The following UPK1A variants were observed in gnomAD, a reference collection of about 807,000 sequenced individuals.
UPK1A encodes the protein uroplakin-1a.
In UPK1A, 31 loss-of-function variants were observed where a neutral mutation model predicts 32.3. The observed-to-expected ratio is 0.96, with a 90% confidence interval of 0.72 to 1.30. UPK1A has a LOEUF of 1.30. Among genes scored for constraint, UPK1A ranks in the 50% most tolerant of loss-of-function variants. The probability of loss-of-function intolerance (pLI) is 0.00; values close to 1 mark genes in which losing one functional copy is unlikely to be tolerated. For missense variants in UPK1A, 340 were observed against 357.4 expected (o/e 0.95, Z 0.39); for synonymous variants, 135 against 137.1 (o/e 0.98, Z 0.11).
intron 2 of UPK1A, chr19:35,668,229 G>A (rs554258483): frequency 2.3e-5 from 14 of 604,244 alleles, no homozygotes; most frequent in African/African-American, 3.7e-5. Context: ...TTTTATCCCC[G>A]AAGAAACTGG....
Position 35,673,383 on chromosome 19 carries a change from C to G in UPK1A, c.361-55C>G, listed in dbSNP as rs1215241222. 2.5e-6 allele frequency: 4 copies of G among 1,609,224 alleles called. No homozygotes were observed. The Admixed American group carries it at 5.0e-5, about 20-fold the overall frequency. ...GGTCCCGGCGCGGCGGGGCGGAGGT[C>G]GTCCTCTCTCCCCACCCAGCCCTGC... On this transcript the variant is annotated intron_variant, in intron 4 of 7. Transcript: ENST00000617999.
rs1658248215 is a variant in UPK1A, at chr19:35,666,540, T to A, written c.-5+2T>A. 2 of 457,818 alleles carry A rather than the reference T, an allele frequency of 4.4e-6. No homozygotes were observed. Among genetic ancestry groups the A allele is most frequent in the South Asian group, 4.7e-5 (2 of 42,176 alleles). 28.4% of individuals were successfully genotyped at this position (457,818 alleles called of 1,614,324 possible). On this transcript the variant is annotated splice_donor_variant, in intron 1 of 7. Transcript: ENST00000617999. LOFTEE classifies it low-confidence loss of function (5UTR_SPLICE). Reference sequence around the variant, plus strand: ...CCAGAGAGGCTGCAGACAGAGAAGGTGAGGAGGGGGCCCTGGGAGTCTGGG... The same window carrying A: ...CCAGAGAGGCTGCAGACAGAGAAGGAGAGGAGGGGGCCCTGGGAGTCTGGG...
At chr19:35,676,135 C>A in intron 6 of UPK1A, 116 bp downstream of exon 6, 1 of 1,132,478 alleles carries the variant, frequency 8.8e-7, no homozygotes, top group Non-Finnish European at 1.2e-6. Context: ...TAGCTTTTTC[C>A]CTCTCCTCTT....
intron 7 of UPK1A, 24 bp downstream of exon 7, chr19:35,677,919 C>A: frequency 3.2e-6 from 4 of 1,264,434 alleles, no homozygotes; most frequent in Non-Finnish European, 4.4e-6. Context: ...AGCCCACAGG[C>A]TGGGTGGGCT....
chr19:35,670,218 A>AG (rs1225828720), intron 3 of UPK1A, among the ~76,000 whole-genome samples: 9 of 152,160 alleles, frequency 5.9e-5, no homozygotes, highest in African/African-American at 2.2e-4. Context: ...GAGCTGAGTG[A>AG]GGAGGAGGTT....
exon 3 of UPK1A, chr19:35,668,482 C>A: frequency 6.2e-7 from 1 of 1,614,200 alleles, no homozygotes; most frequent in East Asian, 2.2e-5. Flanking sequence ...TTTGCTGAGA[C>A]CATATGGGTG....
intron 2 of UPK1A, among the ~76,000 whole-genome samples, chr19:35,667,306 T>G (rs533783947): frequency 4.3e-4 from 65 of 150,086 alleles, no homozygotes; most frequent in East Asian, 7.9e-4. Flanking sequence ...GGTTTTGTGT[T>G]TTTTGTTTTG....
At chr19:35,673,630 G>GGAGT in intron 5 of UPK1A, 85 bp downstream of exon 5, 1 of 1,214,762 alleles carries the variant, frequency 8.2e-7, no homozygotes, top group South Asian at 1.3e-5. Flanking sequence ...AGCTTTTAGA[G>GGAGT]GAGTGAGTGC....
chr19:35,666,947 G>A (rs1568346118), intron 2 of UPK1A, 51 bp downstream of exon 2: 1 of 1,592,092 alleles, frequency 6.3e-7, no homozygotes. Context: ...GTGGGGAGGG[G>A]ACAGTCCTGA....
At chr19:35,675,214 C>A (rs1340019595) in intron 5 of UPK1A, among the ~76,000 whole-genome samples, 1 of 152,114 alleles carries the variant, frequency 6.6e-6, no homozygotes, top group Non-Finnish European at 1.5e-5. Flanking sequence ...CTTACCAAGG[C>A]CAGGAAAAGC....
exon 8 of UPK1A, chr19:35,677,980 G>T: frequency 6.2e-7 from 1 of 1,602,038 alleles, no homozygotes; most frequent in Non-Finnish European, 8.5e-7. Context: ...GCCAGCTCCC[G>T]GTCATGCTGA....
At chr19:35,670,481 C>A (rs1251493472) in intron 3 of UPK1A, among the ~76,000 whole-genome samples, 3 of 112,674 alleles carry the variant, frequency 2.7e-5, no homozygotes, top group Non-Finnish European at 5.5e-5. Flanking sequence ...TAAGATGGAG[C>A]CATGGACTCC....
At chr19:35,677,773 A>T (rs1356256381) in intron 6 of UPK1A, 39 bp from the exon 7 acceptor site, 1 of 1,610,674 alleles carries the variant, frequency 6.2e-7, no homozygotes, top group Admixed American at 1.7e-5. Flanking sequence ...GGCTACCCTC[A>T]TGGGCGTCTT....
At chr19:35,666,781 T>C (rs1402813269) in intron 1 of UPK1A, 28 bp from the exon 2 acceptor site, 1 of 1,612,368 alleles carries the variant, frequency 6.2e-7, no homozygotes, top group Non-Finnish European at 8.5e-7. Flanking sequence ...TTTACGCTCC[T>C]GGCCTCATCC....
intron 3 of UPK1A, among the ~76,000 whole-genome samples, chr19:35,672,662 G>T (rs1968120875): frequency 1.3e-5 from 2 of 152,178 alleles, no homozygotes; most frequent in Admixed American, 1.3e-4. Flanking sequence ...CCAACTACTG[G>T]GCTCAAACGA....
chr19:35,677,890 T>C (rs758618618), exon 7 of UPK1A: 1 of 1,592,326 alleles, frequency 6.3e-7, no homozygotes, highest in South Asian at 1.1e-5. Flanking sequence ...CATCCTGATG[T>C]GGACGGTGAG....
intron 2 of UPK1A, among the ~76,000 whole-genome samples, chr19:35,667,425 C>T (rs1446410066): frequency 1.3e-5 from 2 of 152,026 alleles, no homozygotes; most frequent in East Asian, 1.9e-4. Flanking sequence ...CTCTAACTCC[C>T]GGGCTCAAGT....
At chr19:35,667,205 C>T (rs1399174300) in intron 2 of UPK1A, among the ~76,000 whole-genome samples, 2 of 152,188 alleles carry the variant, frequency 1.3e-5, no homozygotes, top group Non-Finnish European at 2.9e-5. Context: ...CTATCACCAT[C>T]AGCATCACTA....
intron 6 of UPK1A, 126 bp downstream of exon 6, chr19:35,676,145 T>A: frequency 9.4e-7 from 1 of 1,063,694 alleles, no homozygotes; most frequent in East Asian, 2.6e-5. Context: ...CCTCTCCTCT[T>A]CCCCTCTCTG....
Sources: allele counts gnomAD v4.1 joint callset (sites outside exome capture counted in the v4.1 genomes callset), GRCh38; gene constraint gnomAD v4.1.1; transcripts MANE v1.5; gene names NCBI Gene and HGNC (gene_info 2026-07-23, HGNC 2026-07-21).